Variants in C7 observed in about 807,000 individuals in gnomAD.
The protein encoded by C7 is complement component C7.
In C7, 83 loss-of-function variants were observed where a neutral mutation model predicts 104.8. That is an observed-to-expected ratio of 0.79 (90% CI 0.66 to 0.95). The LOEUF is 0.95. C7 is among the 40% of genes least tolerant of loss of function. The probability of loss-of-function intolerance (pLI) is 0.00; values close to 1 mark genes in which losing one functional copy is unlikely to be tolerated. For missense variants in C7, 1,070 were observed against 1,011.2 expected, an observed-to-expected ratio of 1.06 and a Z score of -0.79; for synonymous variants, 415 against 360.6, an observed-to-expected ratio of 1.15 and a Z score of -1.71.
Position 40,936,406 on chromosome 5 carries a change from G to A in C7, c.349G>A (p.Asp117Asn). The change falls in exon 5 of 18, where the codon GAC becomes AAC. Residue 117 changes from aspartate to asparagine, a missense_variant. Coordinates refer to ENST00000313164, the MANE Select transcript of C7 (RefSeq NM_000587.4). ...CTGTGATGAAGACAGTGCTGATGAA[G>A]ACAGATGTGAGGACTCAGAAAGGAG... The part of the protein sequence containing the change: ...SDCDEDSADE[D>N]RCEDSERRPS... The A allele has an allele frequency of 1.2e-6, 2 of 1,613,322 alleles. No homozygotes were observed. The highest frequency in any genetic ancestry group is 4.5e-5 in the East Asian group (2 of 44,870).
rs117487879 is a variant in C7 at position 40,972,579 on chromosome 5, C to G, written c.2059C>G (p.Arg687Gly). Residue 687 changes from arginine to glycine, a missense_variant, in exon 15 of 18, where the codon CGC becomes GGC. Coordinates refer to ENST00000313164, the MANE Select transcript of C7 (RefSeq NM_000587.4). ...GTGGAGTCCTGAGATGAAGAATGCC[C>G]GCTGTGTACAAAAAGGTGAGTGGCT... ...LKWSPEMKNA[R>G]CVQKENPLTQ... The G allele has an allele frequency of 9.4e-6, 15 of 1,600,304 alleles. No homozygotes were observed. The Admixed American group carries it at 2.6e-4, about 27-fold the overall frequency.
intron 5 of C7, 62 bp from the exon 6 acceptor site, chr5:40,937,490 G>A (rs1205195246): frequency 6.5e-7 from 1 of 1,529,022 alleles, no homozygotes; most frequent in Non-Finnish European, 8.8e-7. Context: ...TCCCCACCAA[G>A]TGCTATTTCT....
chr5:40,931,267 T>G, intron 3 of C7, 128 bp downstream of exon 3: 1 of 676,102 alleles, frequency 1.5e-6, no homozygotes, highest in South Asian at 1.7e-5. Context: ...GTTTGTAATT[T>G]TGAGGGGAGA....
At chr5:40,948,262 C>A (rs556753944) in intron 8 of C7, among the ~76,000 whole-genome samples, 15 of 152,106 alleles carry the variant, frequency 9.9e-5, no homozygotes, top group Admixed American at 2.6e-4. Flanking sequence ...TAAAAAAATC[C>A]TCTCTGAATA....
intron 9 of C7, among the ~76,000 whole-genome samples, 162 bp downstream of exon 9, chr5:40,950,176 A>T (rs1167848810): frequency 6.6e-6 from 1 of 151,822 alleles, no homozygotes; most frequent in Admixed American, 6.6e-5. Flanking sequence ...CCCACTAGTT[A>T]TTTTTTCCTG....
intron 1 of C7, among the ~76,000 whole-genome samples, chr5:40,924,084 C>T (rs759359282): frequency 6.6e-6 from 1 of 152,156 alleles, no homozygotes; most frequent in Admixed American, 6.6e-5. Context: ...AGGACAAGGT[C>T]CAATCTGGAG....
intron 1 of C7, among the ~76,000 whole-genome samples, chr5:40,918,522 CAA>C (rs975393305): frequency 1.1e-4 from 17 of 151,844 alleles, no homozygotes; most frequent in African/African-American, 3.6e-4. Context: ...AATAAAAAAA[CAA>C]GAGCCAACTA....
At position 40,945,336 on chromosome 5, in the gene C7, A is replaced by T; in HGVS notation, c.706A>T (p.Thr236Ser). The T allele has an allele frequency of 6.2e-7, 1 of 1,603,954 alleles. No homozygotes were observed. The highest frequency in any genetic ancestry group is 1.1e-5 in the South Asian group (1 of 87,824). ...TTCATCATCTTCTTCACGCAGTTAT[A>T]CTTCACATACCAATGAAATCCATAA... ...RSSSSSSRSYTSHTNEIHKGK... is the reference protein window; with the variant it reads ...RSSSSSSRSYSSHTNEIHKGK... Residue 236 changes from threonine (T) to serine (S), a missense_variant, in exon 7 of 18, where the codon ACT becomes TCT. Coordinates refer to ENST00000313164, the MANE Select transcript of C7 (RefSeq NM_000587.4).
chr5:40,915,015 C>G (rs945915517), intron 1 of C7, among the ~76,000 whole-genome samples: 1 of 152,038 alleles, frequency 6.6e-6, no homozygotes, highest in East Asian at 1.9e-4. Flanking sequence ...GATGAAGCAA[C>G]CCCAAGAAAT....
At chr5:40,948,721 C>CA (rs1740102633) in intron 8 of C7, among the ~76,000 whole-genome samples, 1 of 151,936 alleles carries the variant, frequency 6.6e-6, no homozygotes, top group African/African-American at 2.4e-5. Context: ...CAAGTCAAAC[C>CA]TTTTTTTTCC....
At chr5:40,920,979 G>C (rs1739426076) in intron 1 of C7, among the ~76,000 whole-genome samples, 1 of 151,402 alleles carries the variant, frequency 6.6e-6, no homozygotes, top group Non-Finnish European at 1.5e-5. Context: ...AACTTGGGAG[G>C]CTGAGGTTGC....
intron 2 of C7, among the ~76,000 whole-genome samples, chr5:40,930,038 A>T (rs1159158104): frequency 1.3e-5 from 2 of 152,052 alleles, no homozygotes; most frequent in Non-Finnish European, 2.9e-5. Context: ...ATATGTTTTC[A>T]CCTACCCTCT....
chr5:40,947,658 CAATCCAGAATTTTT>C lies in C7; in HGVS notation c.797_810del (p.Asn266ThrfsTer4). 2.5e-6 allele frequency: 4 copies of C among 1,613,532 alleles called. No homozygotes were observed. Among genetic ancestry groups the C allele is most frequent in the Non-Finnish European group, 3.4e-6 (4 of 1,179,696 alleles). ...TTGAAGTGGCTCAGTTCATTAATAACAATCCAGAATTTTTACAACTTGCTGAGCCATTCTGGAAG... is the reference window on the plus strand; with the variant it reads ...TTGAAGTGGCTCAGTTCATTAATAACACAACTTGCTGAGCCATTCTGGAAG... On this transcript the variant is annotated frameshift_variant, in exon 8 of 18. Transcript: ENST00000313164. LOFTEE classifies it high-confidence loss of function.
rs1741023914 is a variant in C7 at position 40,984,558 on chromosome 5, ATTATGTGTCCAC to A, written c.*2997_*3008del. On this transcript the variant is annotated 3_prime_UTR_variant, in exon 18 of 18. Transcript: ENST00000313164. ...ATGTGTCCATTTATGTGCCCGGCTTATTATGTGTCCACTTATGTGTCCAATTAGTAATCACTT... is the reference window on the plus strand; with the variant it reads ...ATGTGTCCATTTATGTGCCCGGCTTATTATGTGTCCAATTAGTAATCACTT... Among the ~76,000 whole-genome samples, 1 of 152,200 alleles carries A rather than the reference ATTATGTGTCCAC, an allele frequency of 6.6e-6. No homozygotes were observed. Among genetic ancestry groups the A allele is most frequent in the African/African-American group, 2.4e-5 (1 of 41,462 alleles).
rs199969183 is a variant in C7 at position 40,921,872 on chromosome 5, T to TA, written c.7-6700dup. Among the ~76,000 whole-genome samples, 1,296 of 150,474 alleles carry TA rather than the reference T, an allele frequency of 8.6e-3. 18 individuals are homozygous for TA. Among genetic ancestry groups the TA allele is most frequent in the African/African-American group, 0.028 (1,161 of 40,958 alleles). On this transcript the variant is annotated intron_variant, in intron 1 of 17. Transcript: ENST00000313164. ...CAACATGGTGAAACCCCGTCTCTAC[T>TA]AAAAAAAATACAATAATCAGCCAGG...
chr5:40,971,194 T>G (rs1267389216), intron 14 of C7, among the ~76,000 whole-genome samples: 1 of 152,196 alleles, frequency 6.6e-6, no homozygotes, highest in Non-Finnish European at 1.5e-5. Context: ...TAGTTTACAC[T>G]CCTACCAATA....
intron 9 of C7, among the ~76,000 whole-genome samples, chr5:40,952,295 G>A (rs550302624): frequency 1.7e-4 from 26 of 152,216 alleles, no homozygotes; most frequent in East Asian, 1.5e-3. Context: ...CAAGATTATC[G>A]TTAATAAGAA....
intron 10 of C7, among the ~76,000 whole-genome samples, chr5:40,956,255 G>A (rs1252397861): frequency 6.6e-6 from 1 of 152,178 alleles, no homozygotes; most frequent in Non-Finnish European, 1.5e-5. Context: ...CCTAGAAAAA[G>A]ACCTGAAGCT....
At chr5:40,963,102 G>T (rs1376271179) in intron 13 of C7, among the ~76,000 whole-genome samples, 1 of 152,140 alleles carries the variant, frequency 6.6e-6, no homozygotes, top group Non-Finnish European at 1.5e-5. Flanking sequence ...AATAGGCCAA[G>T]CAAACTCATG....
Sources: allele counts gnomAD v4.1 joint callset (sites outside exome capture counted in the v4.1 genomes callset), GRCh38; gene constraint gnomAD v4.1.1; transcripts MANE v1.5; gene names NCBI Gene and HGNC (gene_info 2026-07-23, HGNC 2026-07-21).